The following LEKR1 variants were observed in gnomAD, a reference collection of about 807,000 sequenced individuals.
LEKR1 encodes leucine, glutamate and lysine rich 1, also known as protein LEKR1.
In LEKR1, 59 loss-of-function variants were observed where a neutral mutation model predicts 72.4. The ratio of observed to expected loss-of-function variants is 0.82; its 90% CI spans 0.66 to 1.01. The LOEUF is 1.01. Ranked by LOEUF, LEKR1 falls within the 50% of genes least tolerant of loss-of-function variation. The pLI, the probability that LEKR1 is intolerant of heterozygous loss-of-function variation, is 0.00. For missense variants in LEKR1, 728 were observed against 759.2 expected, an observed-to-expected ratio of 0.96 and a Z score of 0.48; for synonymous variants, 257 against 263.2, an observed-to-expected ratio of 0.98 and a Z score of 0.23.
chr3:156,975,731 A>G (rs1448936383), intron 6 of LEKR1, among the ~76,000 whole-genome samples: 1 of 152,172 alleles, frequency 6.6e-6, no homozygotes, highest in Non-Finnish European at 1.5e-5. Context: ...TGTTCATTTA[A>G]AATCATTTAC....
intron 6 of LEKR1, among the ~76,000 whole-genome samples, chr3:156,971,236 G>A (rs1729156402): frequency 6.6e-6 from 1 of 152,112 alleles, no homozygotes; most frequent in Non-Finnish European, 1.5e-5. Flanking sequence ...ACAAGAAATG[G>A]GGAAAGGATT....
intron 2 of LEKR1, among the ~76,000 whole-genome samples, chr3:156,849,345 T>C (rs1461110415): frequency 6.6e-6 from 1 of 152,180 alleles, no homozygotes; most frequent in East Asian, 1.9e-4. Flanking sequence ...AGGTAATTTA[T>C]AGATTCAATG....
intron 9 of LEKR1, among the ~76,000 whole-genome samples, chr3:156,998,692 C>T (rs981935414): frequency 6.6e-6 from 1 of 152,124 alleles, no homozygotes; most frequent in African/African-American, 2.4e-5. Context: ...TATTAAGATA[C>T]TTATGTATCT....
chr3:156,891,207 T>G (rs1233454052), intron 3 of LEKR1, among the ~76,000 whole-genome samples: 1 of 152,006 alleles, frequency 6.6e-6, no homozygotes, highest in African/African-American at 2.4e-5. Flanking sequence ...ACTGAAGAAT[T>G]TATGGGAAAC....
At chr3:156,898,631 G>A (rs1721443398) in intron 3 of LEKR1, among the ~76,000 whole-genome samples, 1 of 151,990 alleles carries the variant, frequency 6.6e-6, no homozygotes, top group South Asian at 2.1e-4. Context: ...GATGGACTAA[G>A]GTGCATAATA....
chr3:156,906,787 A>G (rs62275760), intron 3 of LEKR1, among the ~76,000 whole-genome samples: 4,843 of 152,280 alleles, frequency 0.032, 118 homozygotes, highest in Non-Finnish European at 0.048. Flanking sequence ...AGCTATTTGT[A>G]TGTAACATTC....
At chr3:157,009,903 T>A (rs543948339) in intron 9 of LEKR1, among the ~76,000 whole-genome samples, 77 of 152,206 alleles carry the variant, frequency 5.1e-4, no homozygotes, top group African/African-American at 1.8e-3. Flanking sequence ...ATGTTATCTA[T>A]TTCTTCTTTA....
chr3:156,997,399 G>T (rs1011021936), intron 9 of LEKR1, among the ~76,000 whole-genome samples: 3 of 152,162 alleles, frequency 2.0e-5, no homozygotes, highest in Non-Finnish European at 4.4e-5. Flanking sequence ...GCAGTTGGAG[G>T]TGTGAACATC....
chr3:157,015,513 A>G (rs1458973202), intron 10 of LEKR1, among the ~76,000 whole-genome samples: 1 of 152,184 alleles, frequency 6.6e-6, no homozygotes, highest in African/African-American at 2.4e-5. Flanking sequence ...TGAAATGCTG[A>G]TTTGATTCTG....
chr3:156,944,165 A>C (rs1726476510), intron 6 of LEKR1, among the ~76,000 whole-genome samples: 1 of 151,644 alleles, frequency 6.6e-6, no homozygotes, highest in African/African-American at 2.4e-5. Context: ...TAGATAGTAC[A>C]TACAGTATCC....
chr3:156,890,206 G>A (rs1720515938), intron 3 of LEKR1, among the ~76,000 whole-genome samples: 1 of 152,006 alleles, frequency 6.6e-6, no homozygotes, highest in African/African-American at 2.4e-5. Flanking sequence ...TTAACTTTAG[G>A]AAAATGTTAT....
At chr3:156,895,850 A>G (rs1721126331) in intron 3 of LEKR1, among the ~76,000 whole-genome samples, 1 of 152,200 alleles carries the variant, frequency 6.6e-6, no homozygotes, top group Admixed American at 6.5e-5. Context: ...CAGCAATCCC[A>G]TTACTGAATA....
intron 3 of LEKR1, among the ~76,000 whole-genome samples, chr3:156,855,131 T>C (rs1294714015): frequency 6.6e-6 from 1 of 152,214 alleles, no homozygotes; most frequent in East Asian, 1.9e-4. Context: ...ATTTATGTTC[T>C]TGTGAACATA....
chr3:156,968,620 A>G (rs1209096760), intron 6 of LEKR1, among the ~76,000 whole-genome samples: 1 of 152,238 alleles, frequency 6.6e-6, no homozygotes, highest in Non-Finnish European at 1.5e-5. Flanking sequence ...AGATTCATAA[A>G]GCAAGTCCTT....
intron 4 of LEKR1, among the ~76,000 whole-genome samples, chr3:156,922,963 C>CAGAT (rs2108573665): frequency 6.6e-6 from 1 of 152,218 alleles, no homozygotes; most frequent in South Asian, 2.1e-4. Context: ...TAGACCTTAT[C>CAGAT]ATCTCTAAAA....
rs1364216941 is a variant in LEKR1, at chr3:156,905,877, G to A, written c.264-14698G>A. ...CCTGAAGTACTACCTTGTTTTGATT[G>A]ATTTCTTTGTTGCAGTTCTAATTTT... On this transcript the variant is annotated intron_variant, in intron 3 of 12. Coordinates refer to ENST00000356539, the MANE Select transcript of LEKR1 (RefSeq NM_001004316.3). Among the ~76,000 whole-genome samples, 6 of 152,202 alleles carry A rather than the reference G, an allele frequency of 3.9e-5. No individual in the cohort carries two copies. In the East Asian group the frequency reaches 1.2e-3, roughly 29 times the overall value.
chr3:156,868,542 C>G (rs1177969777), intron 3 of LEKR1, among the ~76,000 whole-genome samples: 2 of 151,940 alleles, frequency 1.3e-5, no homozygotes, highest in Admixed American at 1.3e-4. Flanking sequence ...TAATACTTTC[C>G]TTACACAAAT....
Position 157,033,666 on chromosome 3 carries a change from G to A in LEKR1, c.1668+5264G>A, listed in dbSNP as rs928492277. ...TAGCAAGTGCTCATGTCGAAGCTGT[G>A]GTAAGTTATCCAGATCTAGCTAAGA... On this transcript the variant is annotated intron_variant, in intron 12 of 12. Transcript: ENST00000356539. 5.3e-5 allele frequency among the ~76,000 whole-genome samples: 8 copies of A among 152,258 alleles called. 1 individual carries two copies. The Middle Eastern group carries it at 0.02, about 388-fold the overall frequency.
chr3:156,950,154 C>T (rs1027154662), intron 6 of LEKR1, among the ~76,000 whole-genome samples: 1 of 151,190 alleles, frequency 6.6e-6, no homozygotes, highest in Non-Finnish European at 1.5e-5. Context: ...TGAGGTTGTT[C>T]AGAGCATTAT....
Sources: allele counts gnomAD v4.1 joint callset (sites outside exome capture counted in the v4.1 genomes callset), GRCh38; gene constraint gnomAD v4.1.1; transcripts MANE v1.5; gene names NCBI Gene and HGNC (gene_info 2026-07-23, HGNC 2026-07-21).